The following TPST1 variants were observed in gnomAD, a reference collection of about 807,000 sequenced individuals.
TPST1 encodes the protein protein-tyrosine sulfotransferase 1.
Under a neutral mutation model 34.8 loss-of-function variants are expected in TPST1, and 20 were observed. The ratio of observed to expected loss-of-function variants is 0.57; its 90% CI spans 0.40 to 0.84. The LOEUF is 0.84. Ranked by LOEUF, TPST1 falls within the 40% of genes least tolerant of loss-of-function variation. The pLI is 0.00. For missense variants in TPST1, 353 were observed against 455.5 expected, an observed-to-expected ratio of 0.78 and a Z score of 2.05; for synonymous variants, 152 against 159.4, an observed-to-expected ratio of 0.95 and a Z score of 0.35.
chr7:66,217,827 G>A (rs1007739083), intron 1 of TPST1, among the ~76,000 whole-genome samples: 3 of 151,670 alleles, frequency 2.0e-5, no homozygotes, highest in East Asian at 1.9e-4. Flanking sequence ...TTTGTGATCC[G>A]CCCGCCTCGG....
chr7:66,248,755 C>T (rs540107936), intron 2 of TPST1, among the ~76,000 whole-genome samples: 63 of 152,128 alleles, frequency 4.1e-4, no homozygotes, highest in African/African-American at 5.5e-4. Flanking sequence ...CCTCATGATC[C>T]GCCTGCCTCG....
At chr7:66,217,732 G>A (rs1789454361) in intron 1 of TPST1, among the ~76,000 whole-genome samples, 1 of 151,416 alleles carries the variant, frequency 6.6e-6, no homozygotes, top group African/African-American at 2.4e-5. Flanking sequence ...CTACAGGCGT[G>A]TGCCACCATG....
At chr7:66,215,915 G>C (rs1789397082) in intron 1 of TPST1, among the ~76,000 whole-genome samples, 1 of 151,466 alleles carries the variant, frequency 6.6e-6, no homozygotes, top group African/African-American at 2.4e-5. Context: ...TGGGACTACA[G>C]GCGCCCGCCA....
At chr7:66,234,091 C>G (rs1245673798) in intron 1 of TPST1, among the ~76,000 whole-genome samples, 1 of 152,130 alleles carries the variant, frequency 6.6e-6, no homozygotes, top group Non-Finnish European at 1.5e-5. Context: ...CTCTTGACCT[C>G]AGGTGATCCA....
At chr7:66,352,468 C>A (rs769213435) in intron 3 of TPST1, 37 bp from the exon 4 acceptor site, 1 of 1,606,332 alleles carries the variant, frequency 6.2e-7, no homozygotes, top group Non-Finnish European at 8.5e-7. Flanking sequence ...GGGACTGGAC[C>A]TGTTGCCTTA....
At chr7:66,270,003 G>C (rs952049245) in intron 2 of TPST1, among the ~76,000 whole-genome samples, 2 of 152,132 alleles carry the variant, frequency 1.3e-5, no homozygotes, top group Admixed American at 6.6e-5. Flanking sequence ...ACAGAGGAAA[G>C]TAAAGGGGAC....
intron 2 of TPST1, among the ~76,000 whole-genome samples, chr7:66,248,843 G>A (rs1204423568): frequency 1.3e-5 from 2 of 151,996 alleles, no homozygotes; most frequent in Non-Finnish European, 2.9e-5. Context: ...GGCATTTTAG[G>A]GTATGTCTTA....
At chr7:66,214,531 G>A (rs1362412730) in intron 1 of TPST1, among the ~76,000 whole-genome samples, 1 of 151,652 alleles carries the variant, frequency 6.6e-6, no homozygotes, top group East Asian at 1.9e-4. Flanking sequence ...TTAAGAATTG[G>A]TGTTGCTGGT....
intron 4 of TPST1, among the ~76,000 whole-genome samples, chr7:66,355,429 C>T (rs1435781523): frequency 6.6e-6 from 1 of 150,444 alleles, no homozygotes; most frequent in Admixed American, 6.6e-5. Flanking sequence ...GAGCTGAGAA[C>T]GTGCCACTGC....
chr7:66,280,550 C>T (rs1436401620), intron 2 of TPST1, among the ~76,000 whole-genome samples: 1 of 152,178 alleles, frequency 6.6e-6, no homozygotes, highest in Non-Finnish European at 1.5e-5. Flanking sequence ...GGTATAAAGT[C>T]ATATCGTCTG....
chr7:66,224,901 C>CTTTTTTTTTTT lies in TPST1; in HGVS notation c.-101-15403_-101-15393dup, dbSNP rs780952403. 2.8e-3 allele frequency among the ~76,000 whole-genome samples: 120 copies of CTTTTTTTTTTT among 42,416 alleles called. 28 individuals carry two copies. The highest frequency in any genetic ancestry group is 8.1e-3 in the East Asian group (10 of 1,230). The allele number at this position is 42,416 out of a possible 152,430, so 27.8% of individuals were successfully genotyped here. On this transcript the variant is annotated intron_variant, in intron 1 of 5. Transcript: ENST00000304842. The stretch of plus-strand genomic sequence containing the variant: ...AACTGAGCCTGAACATTCTGGTATT[C>CTTTTTTTTTTT]TTTTTTTTTTTTTTTTTTTTTTTTT...
rs185159063 is a variant in TPST1 at position 66,216,586 on chromosome 7, C to T, written c.-102+11064C>T. 2.2e-3 allele frequency among the ~76,000 whole-genome samples: 328 copies of T among 152,110 alleles called. 2 individuals carry two copies. The highest frequency in any genetic ancestry group is 7.7e-3 in the African/African-American group (318 of 41,502). On this transcript the variant is annotated intron_variant, in intron 1 of 5. Coordinates refer to ENST00000304842, the MANE Select transcript of TPST1 (RefSeq NM_003596.4). ...CCAGGTTCAAGTGATTCTCCTGCCT[C>T]GGCCTCCCGAGTAGCTGGGATTACA...
intron 3 of TPST1, among the ~76,000 whole-genome samples, chr7:66,328,277 C>G (rs1366248842): frequency 1.3e-5 from 2 of 151,700 alleles, no homozygotes; most frequent in Non-Finnish European, 2.9e-5. Flanking sequence ...TCTTCTCGCC[C>G]CAGCCTCCCA....
intron 1 of TPST1, among the ~76,000 whole-genome samples, chr7:66,230,964 TAC>T (rs1388410287): frequency 6.6e-6 from 1 of 152,160 alleles, no homozygotes. Context: ...AGCAGCTAGA[TAC>T]AGAGTGTCGA....
chr7:66,276,011 A>G (rs1790802561), intron 2 of TPST1, among the ~76,000 whole-genome samples: 1 of 151,554 alleles, frequency 6.6e-6, no homozygotes, highest in Non-Finnish European at 1.5e-5. Flanking sequence ...AAAAAAAAAA[A>G]GTTTTGATGT....
intron 3 of TPST1, among the ~76,000 whole-genome samples, chr7:66,301,065 C>T (rs1288764840): frequency 1.3e-5 from 2 of 152,198 alleles, no homozygotes; most frequent in Admixed American, 6.5e-5. Context: ...TTGTATATCT[C>T]TATCAGAACT....
chr7:66,300,190 G>C (rs1010309903), intron 3 of TPST1, among the ~76,000 whole-genome samples: 5 of 152,154 alleles, frequency 3.3e-5, no homozygotes, highest in Non-Finnish European at 7.3e-5. Flanking sequence ...CTAAAGATTG[G>C]GGTGACTATA....
At chr7:66,305,929 G>C (rs1484574912) in intron 3 of TPST1, among the ~76,000 whole-genome samples, 1 of 152,146 alleles carries the variant, frequency 6.6e-6, no homozygotes, top group Non-Finnish European at 1.5e-5. Flanking sequence ...TCTAATCTTT[G>C]TCAAATTGAT....
intron 2 of TPST1, among the ~76,000 whole-genome samples, chr7:66,274,287 C>G (rs1184447636): frequency 6.6e-6 from 1 of 151,608 alleles, no homozygotes; most frequent in Non-Finnish European, 1.5e-5. Context: ...ATGGCGTGAA[C>G]CCGGGAGGTG....
Sources: gnomAD v4.1 joint callset for allele counts (sites outside exome capture counted in the v4.1 genomes callset) on GRCh38, gnomAD v4.1.1 for gene constraint, MANE v1.5 for transcripts, NCBI Gene and HGNC (gene_info 2026-07-23, HGNC 2026-07-21) for gene names.